Variants in MAST4 observed in about 807,000 individuals in gnomAD.
MAST4 encodes the protein microtubule associated serine/threonine kinase family member 4, also known as microtubule-associated serine/threonine-protein kinase 4.
A neutral mutation model predicts 162.7 loss-of-function variants in MAST4; 89 were observed. That is an observed-to-expected ratio of 0.55 (90% CI 0.46 to 0.65). The LOEUF (loss-of-function observed/expected upper bound fraction) is 0.65. Ranked by LOEUF, MAST4 falls within the 30% of genes least tolerant of loss-of-function variation. The pLI is 0.00. For synonymous variants in MAST4, 1,479 were observed against 1,361.1 expected (o/e 1.09, Z -1.91); for missense variants, 3,153 against 3,374.0 (o/e 0.93, Z 1.62).
chr5:66,643,901 T>G (rs949547463), intron 1 of MAST4, among the ~76,000 whole-genome samples: 10 of 149,922 alleles, frequency 6.7e-5, no homozygotes, highest in Admixed American at 2.0e-4. Flanking sequence ...TTCTTTAAAT[T>G]ACATTTGGGT....
chr5:66,966,525 G>A (rs906927158), intron 4 of MAST4, among the ~76,000 whole-genome samples: 1 of 152,186 alleles, frequency 6.6e-6, no homozygotes, highest in Non-Finnish European at 1.5e-5. Context: ...GATCCAGGGG[G>A]ATCTTTAACC....
At chr5:67,128,260 G>C (rs536128946) in intron 14 of MAST4, among the ~76,000 whole-genome samples, 1 of 152,234 alleles carries the variant, frequency 6.6e-6, no homozygotes, top group African/African-American at 2.4e-5. Context: ...ACAGGTGTGG[G>C]AATCACTCAA....
intron 19 of MAST4, among the ~76,000 whole-genome samples, chr5:67,141,365 G>A (rs1375668275): frequency 1.3e-5 from 2 of 152,124 alleles, no homozygotes; most frequent in Non-Finnish European, 2.9e-5. Context: ...CTTACGCTAT[G>A]ATATTATAAC....
At chr5:66,834,299 G>GT (rs1472290822) in intron 3 of MAST4, among the ~76,000 whole-genome samples, 1 of 152,182 alleles carries the variant, frequency 6.6e-6, no homozygotes, top group Non-Finnish European at 1.5e-5. Context: ...AGAGGGAACA[G>GT]TTATAGAACC....
chr5:67,010,790 C>T (rs754400345), intron 4 of MAST4, among the ~76,000 whole-genome samples: 5 of 152,140 alleles, frequency 3.3e-5, no homozygotes, highest in African/African-American at 4.8e-5. Flanking sequence ...GTGTGTGTTG[C>T]ATCTGGCAAC....
intron 5 of MAST4, among the ~76,000 whole-genome samples, chr5:67,080,944 A>G (rs960700321): frequency 2.9e-5 from 4 of 138,960 alleles, no homozygotes; most frequent in African/African-American, 1.1e-4. Context: ...TATATATATT[A>G]TATAATATAA....
chr5:66,682,234 A>G (rs1748378512), intron 1 of MAST4, among the ~76,000 whole-genome samples: 1 of 152,214 alleles, frequency 6.6e-6, no homozygotes, highest in Non-Finnish European at 1.5e-5. Context: ...ATTAGAGTCC[A>G]CACCTGGCTT....
chr5:66,924,396 ATT>A (rs577279658), intron 4 of MAST4, among the ~76,000 whole-genome samples: 8 of 144,644 alleles, frequency 5.5e-5, no homozygotes, highest in African/African-American at 5.1e-5. Flanking sequence ...GTAGAAAATA[ATT>A]TTTTTTTTTT....
chr5:66,687,591 T>TAC (rs907972333), intron 1 of MAST4, among the ~76,000 whole-genome samples: 4 of 151,138 alleles, frequency 2.6e-5, no homozygotes, highest in African/African-American at 7.3e-5. Flanking sequence ...TGTATATATA[T>TAC]ACATACATAT....
intron 2 of MAST4, among the ~76,000 whole-genome samples, chr5:66,780,504 G>A (rs1242799463): frequency 3.3e-5 from 5 of 152,124 alleles, no homozygotes; most frequent in African/African-American, 4.8e-5. Flanking sequence ...ATGAAGCTGC[G>A]GACCTTCGTG....
intron 1 of MAST4, among the ~76,000 whole-genome samples, chr5:66,649,164 C>T (rs1463561446): frequency 6.6e-6 from 1 of 152,140 alleles, no homozygotes; most frequent in Admixed American, 6.5e-5. Flanking sequence ...AATCAATCAA[C>T]TTGGTTGTCT....
rs35005578 is a variant in MAST4 at position 66,997,433 on chromosome 5, C to CTTT, written c.675-56957_675-56955dup. 4.2e-3 allele frequency among the ~76,000 whole-genome samples: 569 copies of CTTT among 134,978 alleles called. 2 individuals carry two copies. The highest frequency in any genetic ancestry group is 0.014 in the African/African-American group (529 of 36,708). The allele number at this position is 134,978 out of a possible 152,430, so 88.6% of individuals were successfully genotyped here. A position where few individuals can be genotyped will look rare whatever the true frequency, so the allele number is the denominator to read the frequency against. On this transcript the variant is annotated intron_variant, in intron 4 of 28. Transcript: ENST00000403625. ...AATTAATGTGTTTTTTTTCTTTTCT[C>CTTT]TTTTTTTTTTTTTTTTGAGATAGAG...
chr5:67,142,368 C>G (rs377364338), intron 20 of MAST4, 53 bp from the exon 21 acceptor site: 98 of 1,513,600 alleles, frequency 6.5e-5, no homozygotes, highest in Non-Finnish European at 8.7e-5. Flanking sequence ...ATTAAAATAT[C>G]TAAATGTTGA....
At chr5:66,755,324 A>G (rs1252685174) in intron 1 of MAST4, among the ~76,000 whole-genome samples, 1 of 152,212 alleles carries the variant, frequency 6.6e-6, no homozygotes, top group Non-Finnish European at 1.5e-5. Flanking sequence ...GAAATTGGAA[A>G]AAGCTTTCTC....
In MAST4 at chr5:67,051,308, G is replaced by T. The variant is rs370342637; in HGVS notation, c.675-3096G>T. 3.3e-5 allele frequency among the ~76,000 whole-genome samples: 5 copies of T among 152,182 alleles called. No individual in the cohort carries two copies. The Middle Eastern group carries it at 0.01, about 311-fold the overall frequency. ...TTAATGGGTTAAATGAGTAGGTGTG[G>T]CCATGAACACCTGGAGAGACTGCCT... On this transcript the variant is annotated intron_variant, in intron 4 of 28. Transcript: ENST00000403625.
chr5:66,638,906 G>A (rs1289712525), intron 1 of MAST4, among the ~76,000 whole-genome samples: 3 of 152,122 alleles, frequency 2.0e-5, no homozygotes, highest in Admixed American at 6.5e-5. Flanking sequence ...ATGGGGAAAC[G>A]AAGAACACTT....
chr5:66,899,489 T>C (rs1247653190), intron 3 of MAST4, among the ~76,000 whole-genome samples: 5 of 152,216 alleles, frequency 3.3e-5, no homozygotes, highest in African/African-American at 4.8e-5. Flanking sequence ...ATATTTGGTA[T>C]GCATAATGTT....
chr5:66,885,422 G>A (rs1020697035), intron 3 of MAST4, among the ~76,000 whole-genome samples: 13 of 152,150 alleles, frequency 8.5e-5, no homozygotes, highest in Admixed American at 6.5e-5. Flanking sequence ...CCTGGTCATA[G>A]CAAGAAATAC....
chr5:67,039,796 G>A (rs925544948), intron 4 of MAST4, among the ~76,000 whole-genome samples: 5 of 152,128 alleles, frequency 3.3e-5, no homozygotes, highest in Non-Finnish European at 5.9e-5. Flanking sequence ...CTTTCTTAGA[G>A]TCTAGGGAGT....
Sources: allele counts gnomAD v4.1 joint callset (sites outside exome capture counted in the v4.1 genomes callset), GRCh38; gene constraint gnomAD v4.1.1; transcripts MANE v1.5; gene names NCBI Gene and HGNC (gene_info 2026-07-23, HGNC 2026-07-21).